Variants in IL3RA observed in about 807,000 individuals in gnomAD.
IL3RA encodes interleukin-3 receptor subunit alpha.
In IL3RA, 73 loss-of-function variants were observed where a neutral mutation model predicts 52.3. That is an observed-to-expected ratio of 1.40 (90% confidence interval 1.16 to 1.70). The LOEUF (loss-of-function observed/expected upper bound fraction) is 1.70, where lower values mean the gene tolerates loss of function less well. Ranked by LOEUF, IL3RA falls within the 40% of genes most tolerant of loss-of-function variation. The probability of loss-of-function intolerance (pLI) is 0.00; values close to 1 mark genes in which losing one functional copy is unlikely to be tolerated. For synonymous variants in IL3RA, 260 were observed against 194.0 expected (o/e 1.34, Z -2.83); for missense variants, 664 against 504.4 (o/e 1.32, Z -3.03).
chrX:1,368,037 A>T (rs1223376763), intron 9 of IL3RA, among the ~76,000 whole-genome samples: 1 of 152,070 alleles, frequency 6.6e-6, no homozygotes, highest in African/African-American at 2.4e-5. Context: ...AGGCGGGCGG[A>T]TCACAAGGTC....
chrX:1,349,642 C>A (rs2085990437), intron 4 of IL3RA, among the ~76,000 whole-genome samples: 1 of 151,010 alleles, frequency 6.6e-6, no homozygotes, highest in Non-Finnish European at 1.5e-5. Flanking sequence ...ATTAGAAGTC[C>A]ATGGTTTATT....
At chrX:1,366,666 C>G (rs868253188) in intron 9 of IL3RA, among the ~76,000 whole-genome samples, 1 of 5,188 alleles carries the variant, frequency 1.9e-4, no homozygotes, top group Non-Finnish European at 2.9e-4. Context: ...CCGGGTGCCC[C>G]GGGTGAGCGG....
At chrX:1,354,253 G>A (rs1205170905) in intron 6 of IL3RA, among the ~76,000 whole-genome samples, 3 of 152,226 alleles carry the variant, frequency 2.0e-5, no homozygotes, top group Non-Finnish European at 2.9e-5. Flanking sequence ...TTCTAACACC[G>A]CCCAACCAGG....
Position 1,352,391 on chromosome X carries a change from C to T in IL3RA, c.501C>T (p.Phe167=). ...AGGGAACACGTATCGGGTGTCGTTTCGATGACATCTCTCGACTCTCCAGCG... is the reference window on the plus strand; with the variant it reads ...AGGGAACACGTATCGGGTGTCGTTTTGATGACATCTCTCGACTCTCCAGCG... ...DAQGTRIGCR[F]DDISRLSSGS... is the part of the protein sequence containing the mutation. Residue 167 remains phenylalanine (F), a synonymous_variant, in exon 6 of 12, where the codon TTC becomes TTT. Transcript: ENST00000331035. 6.8e-6 allele frequency: 11 copies of T among 1,613,842 alleles called. No homozygotes were observed. Among genetic ancestry groups the T allele is most frequent in the Non-Finnish European group, 8.5e-6 (10 of 1,179,852 alleles).
At position 1,341,774 on chromosome X, in the gene IL3RA, C is replaced by A; in HGVS notation, c.9C>A (p.Leu3=). The A allele has an allele frequency of 6.2e-7, 1 of 1,613,952 alleles. No individual in the cohort carries two copies. The highest frequency in any genetic ancestry group is 2.2e-5 in the East Asian group (1 of 44,876). ...CCGGAGCTGCGTTCCCGATGGTCCT[C>A]CTTTGGCTCACGCTGCTCCTGATCG... MV[L]LWLTLLLIAL... is the part of the protein sequence containing the mutation. The change falls in exon 2 of 12, where the codon CTC becomes CTA. Residue 3 remains leucine, a synonymous_variant. Coordinates refer to ENST00000331035, the MANE Select transcript of IL3RA (RefSeq NM_002183.4).
At chrX:1,343,846 A>T (rs1392303087) in intron 2 of IL3RA, among the ~76,000 whole-genome samples, 15 of 140,620 alleles carry the variant, frequency 1.1e-4, no homozygotes, top group Admixed American at 1.0e-3. Flanking sequence ...CCCAGGCTGG[A>T]GTGCAGTGGC....
Position 1,342,559 on chromosome X carries a change from C to CTTT in IL3RA, c.64+746_64+748dup, listed in dbSNP as rs751414193. Among the ~76,000 whole-genome samples, 988 of 111,344 alleles carry CTTT rather than the reference C, an allele frequency of 8.9e-3. 42 individuals are homozygous for CTTT. Among genetic ancestry groups the CTTT allele is most frequent in the African/African-American group, 0.032 (918 of 29,130 alleles). 73.0% of individuals were successfully genotyped at this position (111,344 alleles called of 152,430 possible). A position where few individuals can be genotyped will look rare whatever the true frequency, so the allele number is the denominator to read the frequency against. ...TAATTTGCTTTTCATTCTTTAACTT[C>CTTT]TTTTTTTTTTTTTTTTTTGACACAG... On this transcript the variant is annotated intron_variant, in intron 2 of 11. Transcript: ENST00000331035.
intron 11 of IL3RA, 93 bp from the exon 12 acceptor site, chrX:1,382,298 A>ACCGCGCCTGGTCCAAAGTGCCGG (rs2089220216): frequency 4.0e-6 from 2 of 499,376 alleles, no homozygotes; most frequent in Admixed American, 4.1e-5. Context: ...CCCACAGAGC[A>ACCGCGCCTGGTCCAAAGTGCCGG]GATCTGAGAT....
At chrX:1,381,640 G>C (rs760618047) in intron 11 of IL3RA, among the ~76,000 whole-genome samples, 13 of 151,776 alleles carry the variant, frequency 8.6e-5, no homozygotes, top group African/African-American at 2.9e-4. Flanking sequence ...CCAGTCCAAG[G>C]TTCAAGCGAT....
intron 1 of IL3RA, among the ~76,000 whole-genome samples, chrX:1,340,297 G>T (rs2085443280): frequency 6.6e-6 from 1 of 151,968 alleles, no homozygotes; most frequent in African/African-American, 2.4e-5. Flanking sequence ...TGTATTTTTA[G>T]TAGAGACGGG....
intron 1 of IL3RA, among the ~76,000 whole-genome samples, chrX:1,339,722 G>A (rs1455271439): frequency 6.6e-6 from 1 of 152,084 alleles, no homozygotes; most frequent in Non-Finnish European, 1.5e-5. Context: ...AACGTGGGAG[G>A]TGGAGGTTGC....
intron 6 of IL3RA, among the ~76,000 whole-genome samples, chrX:1,355,211 T>G (rs1288578829): frequency 0.037 from 28 of 758 alleles, no homozygotes; most frequent in Admixed American, 0.069. Flanking sequence ...GGGAGGAGGG[T>G]GGAGGGGGAG....
intron 8 of IL3RA, among the ~76,000 whole-genome samples, chrX:1,362,379 TTGTCTC>T (rs1433113742): frequency 6.7e-6 from 1 of 149,384 alleles, no homozygotes; most frequent in African/African-American, 2.5e-5. Context: ...CTCTGTCTCT[TTGTCTC>T]TGTCTGTTTC....
At chrX:1,342,290 C>G (rs1388665265) in intron 2 of IL3RA, among the ~76,000 whole-genome samples, 1 of 151,734 alleles carries the variant, frequency 6.6e-6, no homozygotes, top group South Asian at 2.1e-4. Flanking sequence ...CTCAGCCTCC[C>G]GAGGAGCTGA....
chrX:1,340,072 GA>G (rs1482652143), intron 1 of IL3RA, among the ~76,000 whole-genome samples: 3 of 151,656 alleles, frequency 2.0e-5, no homozygotes, highest in Non-Finnish European at 4.4e-5. Flanking sequence ...CTCGAGCCAA[GA>G]ACGGGCTAAA....
chrX:1,341,517 CG>C (rs1364233732), intron 1 of IL3RA, among the ~76,000 whole-genome samples: 1 of 146,422 alleles, frequency 6.8e-6, no homozygotes, highest in East Asian at 2.0e-4. Flanking sequence ...CACGAATATT[CG>C]TGCACACATG....
At chrX:1,348,676 T>TTTC (rs1556619094) in intron 4 of IL3RA, 131 bp downstream of exon 4, 4 of 396,240 alleles carry the variant, frequency 1.0e-5, no homozygotes, top group South Asian at 6.2e-5. Context: ...CTTTCTTTCT[T>TTTC]TCTTTCTTTC....
At chrX:1,356,189 CTAAAT>C in intron 6 of IL3RA, 27 bp from the exon 7 acceptor site, 1 of 1,087,224 alleles carries the variant, frequency 9.2e-7, no homozygotes, top group Non-Finnish European at 1.3e-6. Flanking sequence ...TCTTGTACTC[CTAAAT>C]CCTAAAAGTG....
rs748132852 is a variant in IL3RA at position 1,382,396 on chromosome X, C to T, written c.1068C>T (p.Val356=). The change falls in exon 12 of 12, where the codon GTC becomes GTT. Residue 356 remains valine (V), a synonymous_variant. Coordinates refer to ENST00000331035, the MANE Select transcript of IL3RA (RefSeq NM_002183.4). ...GCCTCCTCTCGTCTCTGCAGGTGGT[C>T]TGGGAGGCGGGCAAAGCCGGCCTGG... is the stretch of plus-strand genomic sequence containing the variant. ...GDSFQNDKLV[V]WEAGKAGLEE... is the part of the protein sequence containing the mutation. 4 of 1,613,604 alleles carry T rather than the reference C, an allele frequency of 2.5e-6. No individual in the cohort carries two copies. The Admixed American group carries it at 6.7e-5, about 27-fold the overall frequency.
Sources: allele counts gnomAD v4.1 joint callset (sites outside exome capture counted in the v4.1 genomes callset), GRCh38; gene constraint gnomAD v4.1.1; transcripts MANE v1.5; gene names NCBI Gene and HGNC (gene_info 2026-07-23, HGNC 2026-07-21).